Variants in GHR observed in about 807,000 individuals in gnomAD.
GHR encodes the protein growth hormone receptor, also known as GH receptor.
GHR carries 35 observed loss-of-function variants against 67.1 expected under a neutral mutation model. The ratio of observed to expected loss-of-function variants is 0.52; its 90% CI spans 0.40 to 0.69. GHR has a LOEUF of 0.69. GHR is among the 30% of genes least tolerant of loss of function. The probability of loss-of-function intolerance (pLI) is 0.00; values close to 1 mark genes in which losing one functional copy is unlikely to be tolerated. For missense variants in GHR, 792 were observed against 764.6 expected (o/e 1.04, Z -0.42); for synonymous variants, 272 against 269.1 (o/e 1.01, Z -0.10).
rs763485417 is a variant in GHR at position 42,689,000 on chromosome 5, C to A, written c.247C>A (p.Gln83Lys). ...TGGTACAAAGAACCTAGGACCCATA[C>A]AGCTGTTCTATACCAGAAGGTGCCA... Reference protein sequence around the residue: ...HHGTKNLGPIQLFYTRRNTQE... With the variant: ...HHGTKNLGPIKLFYTRRNTQE... Residue 83 changes from glutamine (Q) to lysine (K), a missense_variant, in exon 4 of 10, where the codon CAG becomes AAG. Transcript: ENST00000230882. 1 of 1,613,756 alleles carries A rather than the reference C, an allele frequency of 6.2e-7. No individual in the cohort carries two copies. Among genetic ancestry groups the A allele is most frequent in the Non-Finnish European group, 8.5e-7 (1 of 1,179,654 alleles).
intron 6 of GHR, among the ~76,000 whole-genome samples, chr5:42,705,532 T>A (rs988439970): frequency 3.9e-5 from 6 of 152,074 alleles, no homozygotes; most frequent in Non-Finnish European, 8.8e-5. Context: ...CAGAAGGTAG[T>A]TTTTTGATCT....
At chr5:42,558,937 G>A (rs1749454275) in intron 1 of GHR, among the ~76,000 whole-genome samples, 2 of 152,232 alleles carry the variant, frequency 1.3e-5, no homozygotes, top group South Asian at 2.1e-4. Flanking sequence ...AAGATATTTT[G>A]CATCTTTTCT....
intron 2 of GHR, among the ~76,000 whole-genome samples, chr5:42,606,850 T>A (rs766677424): frequency 6.6e-6 from 1 of 151,928 alleles, no homozygotes; most frequent in African/African-American, 2.4e-5. Flanking sequence ...CCTGAGGGAA[T>A]TGGGGTAGGA....
rs144172787 is a variant in GHR at position 42,471,516 on chromosome 5, T to G, written c.-12+47561T>G. 5.7e-3 allele frequency among the ~76,000 whole-genome samples: 873 copies of G among 152,330 alleles called. 4 individuals carry two copies. Among genetic ancestry groups the G allele is most frequent in the Admixed American group, 0.012 (187 of 15,304 alleles). ...ACATTATGCTCTCAGAGCATGTGGATAGGTAGCATAGCCTAGTGGTTAACA... is the reference window on the plus strand; with the variant it reads ...ACATTATGCTCTCAGAGCATGTGGAGAGGTAGCATAGCCTAGTGGTTAACA... On this transcript the variant is annotated intron_variant, in intron 1 of 9. Transcript: ENST00000230882.
At chr5:42,492,192 TA>T (rs1467205063) in intron 1 of GHR, among the ~76,000 whole-genome samples, 1 of 152,204 alleles carries the variant, frequency 6.6e-6, no homozygotes, top group Non-Finnish European at 1.5e-5. Context: ...TTCAAACTAC[TA>T]GATTGTGACC....
At chr5:42,430,993 A>G (rs1743069499) in intron 1 of GHR, among the ~76,000 whole-genome samples, 1 of 152,126 alleles carries the variant, frequency 6.6e-6, no homozygotes, top group Non-Finnish European at 1.5e-5. Context: ...TTTGCCAACT[A>G]TTTAACCTTC....
At chr5:42,648,084 C>T (rs1754833926) in intron 3 of GHR, among the ~76,000 whole-genome samples, 1 of 152,046 alleles carries the variant, frequency 6.6e-6, no homozygotes, top group South Asian at 2.1e-4. Context: ...GTAAAAAGAG[C>T]GTAGAAACCC....
intron 1 of GHR, among the ~76,000 whole-genome samples, chr5:42,445,942 A>G (rs748067676): frequency 5.6e-4 from 85 of 152,238 alleles, no homozygotes; most frequent in Non-Finnish European, 1.0e-3. Flanking sequence ...AGCATTAAGC[A>G]AAAACAGTTA....
chr5:42,603,320 G>A (rs1356548617), intron 2 of GHR, among the ~76,000 whole-genome samples: 3 of 152,038 alleles, frequency 2.0e-5, no homozygotes, highest in Non-Finnish European at 4.4e-5. Flanking sequence ...ATTATAATGT[G>A]TCCTGGCGTG....
At chr5:42,514,640 A>G (rs1747163976) in intron 1 of GHR, among the ~76,000 whole-genome samples, 3 of 152,126 alleles carry the variant, frequency 2.0e-5, no homozygotes, top group Admixed American at 1.3e-4. Context: ...AGCTCTGATA[A>G]GGTAATGCCC....
In GHR at chr5:42,718,948, C is replaced by G; in HGVS notation, c.1441C>G (p.Leu481Val). The part of the protein sequence containing the change: ...AHIQLSNPSS[L>V]SNIDFYAQVS... Reference sequence around the variant, plus strand: ...TATTCAGCTAAGCAATCCAAGTTCACTGTCAAACATCGACTTTTATGCCCA... The same window carrying G: ...TATTCAGCTAAGCAATCCAAGTTCAGTGTCAAACATCGACTTTTATGCCCA... Residue 481 changes from leucine to valine, a missense_variant, in exon 10 of 10, where the codon CTG becomes GTG. Physicochemically the swap from Leu to Val is conservative, Grantham distance 32. Coordinates refer to ENST00000230882, the MANE Select transcript of GHR (RefSeq NM_000163.5). 7 of 1,613,944 alleles carry G rather than the reference C, an allele frequency of 4.3e-6. No individual in the cohort carries two copies. Among genetic ancestry groups the G allele is most frequent in the Non-Finnish European group, 5.9e-6 (7 of 1,179,866 alleles).
At chr5:42,636,006 G>C (rs1561185738) in intron 3 of GHR, among the ~76,000 whole-genome samples, 1 of 151,772 alleles carries the variant, frequency 6.6e-6, no homozygotes, top group Non-Finnish European at 1.5e-5. Context: ...GTCAGGAGAT[G>C]GAGACCATCA....
chr5:42,459,863 C>T (rs1338055139), intron 1 of GHR, among the ~76,000 whole-genome samples: 1 of 152,114 alleles, frequency 6.6e-6, no homozygotes, highest in African/African-American at 2.4e-5. Flanking sequence ...GAGAATTGGA[C>T]CCAGCCTGGG....
chr5:42,467,607 G>A (rs1461283465), intron 1 of GHR: 10 of 1,604,816 alleles, frequency 6.2e-6, no homozygotes, highest in Non-Finnish European at 8.5e-6. Flanking sequence ...AACTCTGATT[G>A]AAGGCTTTCC....
intron 1 of GHR, among the ~76,000 whole-genome samples, chr5:42,479,279 C>T (rs1222211775): frequency 9.9e-5 from 15 of 152,124 alleles, no homozygotes; most frequent in East Asian, 3.9e-4. Context: ...CTGCTGGATT[C>T]GGTTTGCCAG....
intron 3 of GHR, among the ~76,000 whole-genome samples, chr5:42,638,380 T>G (rs1001794320): frequency 4.6e-5 from 7 of 152,222 alleles, no homozygotes; most frequent in Non-Finnish European, 8.8e-5. Flanking sequence ...ATTACAGTCA[T>G]GCATCACTTA....
intron 1 of GHR, among the ~76,000 whole-genome samples, chr5:42,543,907 T>C (rs1223099068): frequency 3.3e-5 from 5 of 152,136 alleles, no homozygotes; most frequent in African/African-American, 4.8e-5. Flanking sequence ...AGTACTACTC[T>C]CAATTTTTTT....
At chr5:42,663,524 T>G (rs1490944136) in intron 3 of GHR, among the ~76,000 whole-genome samples, 2,616 of 151,992 alleles carry the variant, frequency 0.017, 135 homozygotes, top group South Asian at 0.15. Context: ...TGCAGAAAAG[T>G]TCTTTGACAA....
At chr5:42,466,960 T>C (rs548701764) in intron 1 of GHR, 29 of 1,552,136 alleles carry the variant, frequency 1.9e-5, no homozygotes, top group Admixed American at 5.9e-5. Context: ...ACACTTCTTA[T>C]ATTCATAGGG....
Sources: gnomAD v4.1 joint callset for allele counts (sites outside exome capture counted in the v4.1 genomes callset) on GRCh38, gnomAD v4.1.1 for gene constraint, MANE v1.5 for transcripts, NCBI Gene and HGNC (gene_info 2026-07-23, HGNC 2026-07-21) for gene names.